The following MCTP1 variants were observed in gnomAD, a reference collection of about 807,000 sequenced individuals.
MCTP1 encodes the protein multiple C2 and transmembrane domain-containing protein 1.
A neutral mutation model predicts 120.6 loss-of-function variants in MCTP1; 69 were observed. The ratio of observed to expected loss-of-function variants is 0.57; its 90% confidence interval spans 0.47 to 0.70. The LOEUF is 0.70. MCTP1 is among the 30% of genes least tolerant of loss of function. MCTP1 has a pLI of 0.00. For synonymous variants in MCTP1, 529 were observed against 493.1 expected (o/e 1.07, Z -0.96); for missense variants, 1,203 against 1,248.8 (o/e 0.96, Z 0.55).
intron 1 of MCTP1, among the ~76,000 whole-genome samples, chr5:95,078,923 C>T (rs1044090195): frequency 6.6e-6 from 1 of 152,094 alleles, no homozygotes; most frequent in Non-Finnish European, 1.5e-5. Context: ...GATTTAAATG[C>T]TAGGCATTAT....
chr5:94,769,112 T>C (rs1561603191), intron 19 of MCTP1, among the ~76,000 whole-genome samples: 2 of 152,184 alleles, frequency 1.3e-5, no homozygotes, highest in Admixed American at 6.5e-5. Context: ...TTGAGGTCCT[T>C]ATGTTAAATG....
At chr5:94,997,129 C>T (rs1169264480) in intron 2 of MCTP1, among the ~76,000 whole-genome samples, 5 of 152,072 alleles carry the variant, frequency 3.3e-5, no homozygotes, top group African/African-American at 1.2e-4. Context: ...GTTCCATGTA[C>T]TTCCTGCCCC....
Position 95,089,612 on chromosome 5 carries a change from T to TAA in MCTP1, c.721-72130_721-72129dup, listed in dbSNP as rs1467634045. On this transcript the variant is annotated intron_variant, in intron 1 of 22. Transcript: ENST00000515393. ...GGCCTTCAGTGGTTTCTATACTACT[T>TAA]AAAGAATCCAGTGTAGACCCTTCCA... Among the ~76,000 whole-genome samples, 9 of 152,318 alleles carry TAA rather than the reference T, an allele frequency of 5.9e-5. No individual in the cohort carries two copies. The East Asian group carries it at 1.7e-3, about 29-fold the overall frequency.
intron 12 of MCTP1, chr5:94,877,451 C>T (rs1799141467): frequency 6.6e-6 from 1 of 151,898 alleles, no homozygotes; most frequent in African/African-American, 2.4e-5. Context: ...CTCTTTTACC[C>T]TAACTCATAA....
chr5:94,772,563 G>C (rs78384554), intron 19 of MCTP1, among the ~76,000 whole-genome samples: 284 of 152,238 alleles, frequency 1.9e-3, no homozygotes, highest in African/African-American at 6.7e-3. Context: ...TTGTCATGTA[G>C]CATGACATCT....
chr5:94,893,777 GT>G (rs1803233325), intron 11 of MCTP1, among the ~76,000 whole-genome samples: 1 of 152,184 alleles, frequency 6.6e-6, no homozygotes, highest in South Asian at 2.1e-4. Context: ...AAAAAAAGTG[GT>G]TCTTTGTTAG....
chr5:94,837,625 G>T (rs1689203700), intron 17 of MCTP1, among the ~76,000 whole-genome samples: 3 of 152,284 alleles, frequency 2.0e-5, no homozygotes, highest in Admixed American at 2.0e-4. Context: ...GCCCAACTTA[G>T]GTTAAAAGAG....
At chr5:94,740,166 A>T (rs921961221) in intron 19 of MCTP1, among the ~76,000 whole-genome samples, 3 of 152,220 alleles carry the variant, frequency 2.0e-5, no homozygotes, top group African/African-American at 7.2e-5. Flanking sequence ...ATATCCATTT[A>T]TCTTTAGACA....
At chr5:94,804,588 G>A (rs559118139) in intron 17 of MCTP1, among the ~76,000 whole-genome samples, 65 of 151,958 alleles carry the variant, frequency 4.3e-4, no homozygotes, top group Admixed American at 3.8e-3. Context: ...ACAGGCGCCC[G>A]CCACCACGCC....
chr5:94,793,004 T>TG (rs1179600067), intron 18 of MCTP1, among the ~76,000 whole-genome samples: 2 of 152,200 alleles, frequency 1.3e-5, no homozygotes, highest in Non-Finnish European at 2.9e-5. Context: ...TGGGCATCTG[T>TG]GTTTTCATTT....
intron 16 of MCTP1, 44 bp downstream of exon 16, chr5:94,870,373 T>C: frequency 7.8e-7 from 1 of 1,286,130 alleles, no homozygotes; most frequent in Non-Finnish European, 1.1e-6. Flanking sequence ...TTTACAGATA[T>C]AATCAGGTCT....
At chr5:94,917,756 A>AATTAAGATT (rs904400808) in intron 8 of MCTP1, 140 bp downstream of exon 8, 11 of 609,698 alleles carry the variant, frequency 1.8e-5, no homozygotes, top group Non-Finnish European at 2.7e-5. Context: ...CCTTGAAAAA[A>AATTAAGATT]ATTAAGATTA....
intron 19 of MCTP1, among the ~76,000 whole-genome samples, chr5:94,774,012 TC>T (rs1256803651): frequency 9.7e-6 from 1 of 103,082 alleles, no homozygotes; most frequent in Non-Finnish European, 1.9e-5. Flanking sequence ...ATCGAGACCA[TC>T]CCGGCTAAAA....
chr5:94,742,876 C>CTAT (rs1215949445), intron 19 of MCTP1, among the ~76,000 whole-genome samples: 2 of 151,982 alleles, frequency 1.3e-5, no homozygotes, highest in Non-Finnish European at 2.9e-5. Context: ...TATTGAAAAC[C>CTAT]TATTATCTGC....
chr5:95,000,356 G>T (rs990257072), intron 2 of MCTP1, among the ~76,000 whole-genome samples: 3 of 151,896 alleles, frequency 2.0e-5, no homozygotes, highest in Non-Finnish European at 4.4e-5. Flanking sequence ...TAAAAAAAAA[G>T]TTAACTGCAA....
At chr5:95,077,811 G>A (rs1753960382) in intron 1 of MCTP1, among the ~76,000 whole-genome samples, 2 of 152,166 alleles carry the variant, frequency 1.3e-5, no homozygotes, top group South Asian at 4.1e-4. Context: ...CATGAAATAG[G>A]AGGAAAGGCT....
At chr5:94,922,997 CAAAAAAAA>C (rs202245253) in intron 7 of MCTP1, among the ~76,000 whole-genome samples, 53 of 99,544 alleles carry the variant, frequency 5.3e-4, no homozygotes, top group African/African-American at 1.0e-3. Context: ...TAAAAAGCTG[CAAAAAAAA>C]AAAAAAAAAA....
rs1754401968 is a variant in MCTP1 at position 94,705,741 on chromosome 5, T to C, written c.*1755A>G. On this transcript the variant is annotated 3_prime_UTR_variant, in exon 23 of 23. Coordinates refer to ENST00000515393, the MANE Select transcript of MCTP1 (RefSeq NM_024717.7). ...ATTGTCAGCACAGAACATAAAAGTCTCACATAAGGTATAATTGAAAGTTAT... is the reference window on the plus strand; with the variant it reads ...ATTGTCAGCACAGAACATAAAAGTCCCACATAAGGTATAATTGAAAGTTAT... The C allele has an allele frequency of 6.6e-6, 1 of 151,564 alleles. No individual in the cohort carries two copies. The highest frequency in any genetic ancestry group is 2.4e-5 in the African/African-American group (1 of 41,334). 9.4% of individuals were successfully genotyped at this position (151,564 alleles called of 1,614,324 possible).
chr5:95,091,636 T>A lies in MCTP1; in HGVS notation c.721-74152A>T, dbSNP rs555868936. On this transcript the variant is annotated intron_variant, in intron 1 of 22. Transcript: ENST00000515393. ...GAGACCACAAGAAGAGAGGGAGGAG[T>A]CTGGACAGTCCTGAGCTTTCACAGT... 2.7e-3 allele frequency among the ~76,000 whole-genome samples: 403 copies of A among 151,474 alleles called. 5 individuals carry two copies. Among genetic ancestry groups the A allele is most frequent in the African/African-American group, 9.5e-3 (393 of 41,250 alleles).
Sources: allele counts gnomAD v4.1 joint callset (sites outside exome capture counted in the v4.1 genomes callset), GRCh38; gene constraint gnomAD v4.1.1; transcripts MANE v1.5; gene names NCBI Gene and HGNC (gene_info 2026-07-23, HGNC 2026-07-21).